LRRC49: variants seen among roughly 807,000 people sequenced by gnomAD.
LRRC49 encodes the protein leucine rich repeat containing 49.
LRRC49 carries 50 observed loss-of-function variants against 83.3 expected under a neutral mutation model. The observed-to-expected ratio is 0.60, with a 90% CI of 0.48 to 0.76. LRRC49 has a LOEUF of 0.76. LRRC49 is among the 30% of genes least tolerant of loss of function. The probability of loss-of-function intolerance (pLI) is 0.00; values close to 1 mark genes in which losing one functional copy is unlikely to be tolerated. For missense variants in LRRC49, 704 were observed against 809.1 expected (o/e 0.87, Z 1.58); for synonymous variants, 286 against 283.3 (o/e 1.01, Z -0.10).
chr15:70,928,125 C>T (rs1290705010), intron 7 of LRRC49, among the ~76,000 whole-genome samples: 2 of 152,062 alleles, frequency 1.3e-5, no homozygotes, highest in Non-Finnish European at 2.9e-5. Flanking sequence ...GATCTTTTTT[C>T]TGGACCCTCT....
At chr15:70,971,662 T>C (rs777028866) in intron 9 of LRRC49, among the ~76,000 whole-genome samples, 34 of 152,210 alleles carry the variant, frequency 2.2e-4, no homozygotes, top group African/African-American at 7.7e-4. Context: ...CTATATTGGG[T>C]GCATATGTAT....
intron 2 of LRRC49, 161 bp downstream of exon 2, chr15:70,893,801 G>A (rs144188613): frequency 9.7e-5 from 57 of 587,056 alleles, no homozygotes; most frequent in African/African-American, 9.3e-4. Context: ...CCTACATAAA[G>A]CTAAAATAGC....
intron 6 of LRRC49, among the ~76,000 whole-genome samples, chr15:70,916,926 C>T (rs916977031): frequency 6.6e-6 from 1 of 152,192 alleles, no homozygotes; most frequent in Non-Finnish European, 1.5e-5. Flanking sequence ...GAAAGTACCC[C>T]CCAACCCTCA....
chr15:70,906,087 C>T (rs1048432259), intron 5 of LRRC49, among the ~76,000 whole-genome samples: 54 of 149,536 alleles, frequency 3.6e-4, no homozygotes, highest in African/African-American at 1.2e-3. Context: ...GAGCTCCCTC[C>T]ATTTTTTTTT....
intron 8 of LRRC49, among the ~76,000 whole-genome samples, chr15:70,962,590 C>T (rs796778175): frequency 7.3e-5 from 11 of 151,148 alleles, no homozygotes; most frequent in African/African-American, 2.7e-4. Context: ...CTTATAGTGC[C>T]AGAAAGTAAG....
chr15:71,029,566 G>A (rs1287806740), intron 14 of LRRC49, among the ~76,000 whole-genome samples: 1 of 152,126 alleles, frequency 6.6e-6, no homozygotes, highest in Admixed American at 6.6e-5. Flanking sequence ...TTCAAATCCT[G>A]AATATCCTTG....
At chr15:70,866,114 GTATTTATT>G (rs71880311) in intron 1 of LRRC49, among the ~76,000 whole-genome samples, 6,889 of 142,090 alleles carry the variant, frequency 0.048, 267 homozygotes, top group African/African-American at 0.1. Context: ...TACATGTAAA[GTATTTATT>G]TATTTATTTA....
chr15:70,937,082 A>G (rs1343433229), intron 8 of LRRC49, among the ~76,000 whole-genome samples: 1 of 152,212 alleles, frequency 6.6e-6, no homozygotes, highest in Non-Finnish European at 1.5e-5. Flanking sequence ...AAACATGAGT[A>G]CATAGAAATT....
At position 71,024,660 on chromosome 15, in the gene LRRC49, G is replaced by GA. The variant is rs546214268; in HGVS notation, c.1703+11758dup. On this transcript the variant is annotated intron_variant, in intron 14 of 15. Coordinates refer to ENST00000260382, the MANE Select transcript of LRRC49 (RefSeq NM_017691.5). Reference sequence around the variant, plus strand: ...CTCACGAAGATGAGAAAGAATCAATGAAAAAAAAAAACATTGAAAACTCAA... The same window carrying GA: ...CTCACGAAGATGAGAAAGAATCAATGAAAAAAAAAAAACATTGAAAACTCAA... Among the ~76,000 whole-genome samples, 486 of 144,452 alleles carry GA rather than the reference G, an allele frequency of 3.4e-3. 2 individuals are homozygous for GA. The highest frequency in any genetic ancestry group is 0.01 in the African/African-American group (411 of 39,480). 94.8% of individuals were successfully genotyped at this position (144,452 alleles called of 152,430 possible). A position where few individuals can be genotyped will look rare whatever the true frequency, so the allele number is the denominator to read the frequency against.
At chr15:70,924,683 G>A (rs1185669001) in intron 7 of LRRC49, among the ~76,000 whole-genome samples, 1 of 151,780 alleles carries the variant, frequency 6.6e-6, no homozygotes, top group Non-Finnish European at 1.5e-5. Flanking sequence ...GCTTGTTTGG[G>A]TTCACCACTC....
chr15:70,968,444 C>A (rs11639104), intron 9 of LRRC49, among the ~76,000 whole-genome samples: 114,393 of 152,090 alleles, frequency 0.75, 45,086 homozygotes, highest in East Asian at 0.87. Context: ...AATAAACATA[C>A]GTATGCATGT....
intron 11 of LRRC49, among the ~76,000 whole-genome samples, chr15:71,005,276 T>C (rs1329724299): frequency 6.6e-6 from 1 of 152,098 alleles, no homozygotes; most frequent in South Asian, 2.1e-4. Context: ...TTTTCCCCTC[T>C]GGAAGAATTA....
intron 6 of LRRC49, among the ~76,000 whole-genome samples, chr15:70,913,438 G>C (rs935907720): frequency 2.6e-5 from 4 of 152,186 alleles, no homozygotes; most frequent in African/African-American, 9.7e-5. Context: ...TGGCTCTGCA[G>C]GTTAGTTACT....
intron 5 of LRRC49, among the ~76,000 whole-genome samples, chr15:70,909,877 C>CACACAA (rs757931756): frequency 1.3e-5 from 2 of 150,308 alleles, no homozygotes; most frequent in African/African-American, 2.5e-5. Context: ...CACACACACA[C>CACACAA]AAAACAAACA....
chr15:70,972,268 T>C (rs181703852), intron 9 of LRRC49, among the ~76,000 whole-genome samples: 161 of 152,322 alleles, frequency 1.1e-3, no homozygotes, highest in African/African-American at 3.7e-3. Context: ...GATATGAAAT[T>C]CTGGGTTGAA....
chr15:70,942,782 G>A (rs923413797), intron 8 of LRRC49, among the ~76,000 whole-genome samples: 5 of 152,132 alleles, frequency 3.3e-5, no homozygotes, highest in African/African-American at 1.2e-4. Context: ...ACATTGGTTT[G>A]GTCCAGAAAG....
At chr15:70,897,668 A>T (rs1224068213) in intron 3 of LRRC49, among the ~76,000 whole-genome samples, 1 of 152,322 alleles carries the variant, frequency 6.6e-6, no homozygotes, top group East Asian at 1.9e-4. Context: ...TTATTTTTCA[A>T]AATTAATCAA....
intron 2 of LRRC49, among the ~76,000 whole-genome samples, chr15:70,879,201 G>C (rs932190557): frequency 1.1e-4 from 16 of 152,120 alleles, no homozygotes; most frequent in African/African-American, 3.9e-4. Flanking sequence ...ATTTCCATTT[G>C]GTTCTTTTTT....
chr15:70,911,083 C>T (rs971396887), intron 5 of LRRC49, among the ~76,000 whole-genome samples: 44 of 152,062 alleles, frequency 2.9e-4, no homozygotes, highest in African/African-American at 1.0e-3. Context: ...GAATAAATAC[C>T]CTAAGGTGGA....
Sources: gnomAD v4.1 joint callset for allele counts (sites outside exome capture counted in the v4.1 genomes callset) on GRCh38, gnomAD v4.1.1 for gene constraint, MANE v1.5 for transcripts, NCBI Gene and HGNC (gene_info 2026-07-23, HGNC 2026-07-21) for gene names.